The following ADAM2 variants were observed in gnomAD, a reference collection of about 807,000 sequenced individuals.
ADAM2 encodes the protein ADAM metallopeptidase domain 2, also known as disintegrin and metalloproteinase domain-containing protein 2.
In ADAM2, 101 loss-of-function variants were observed where a neutral mutation model predicts 99.3. The observed-to-expected ratio is 1.02, with a 90% CI of 0.87 to 1.20. The LOEUF is 1.20. Among genes scored for constraint, ADAM2 ranks in the 50% most tolerant of loss-of-function variants. The pLI, the probability that ADAM2 is intolerant of heterozygous loss-of-function variation, is 0.00. For synonymous variants in ADAM2, 323 were observed against 287.6 expected (o/e 1.12, Z -1.25); for missense variants, 948 against 878.7 (o/e 1.08, Z -1.00).
rs111514884 is a variant in ADAM2 at position 39,780,160 on chromosome 8, C to T, written c.892-2999G>A. Among the ~76,000 whole-genome samples the T allele has an allele frequency of 3.9e-3, 586 of 152,122 alleles. 1 individual carries two copies. Among genetic ancestry groups the T allele is most frequent in the Non-Finnish European group, 5.9e-3 (400 of 67,998 alleles). ...TTACATGGTGGCAGGCCAGAGAACG[C>T]GTGCAGGGGATCTCCCCTTTATGAA... On this transcript the variant is annotated intron_variant, in intron 10 of 20. Transcript: ENST00000265708.
chr8:39,815,109 A>G (rs1408397398), intron 6 of ADAM2, among the ~76,000 whole-genome samples: 1 of 152,106 alleles, frequency 6.6e-6, no homozygotes, highest in East Asian at 1.9e-4. Context: ...GGAGACAGAA[A>G]CTGCATTTTT....
chr8:39,773,839 G>A (rs1028495569), intron 11 of ADAM2, among the ~76,000 whole-genome samples: 3 of 151,742 alleles, frequency 2.0e-5, no homozygotes, highest in African/African-American at 2.4e-5. Flanking sequence ...TATGAAGCCC[G>A]TGTAACTGTG....
chr8:39,821,229 A>C (rs563274595), intron 5 of ADAM2, 59 bp from the exon 6 acceptor site: 2 of 1,145,864 alleles, frequency 1.7e-6, no homozygotes, highest in Admixed American at 5.2e-5. Flanking sequence ...AAGCCAATAA[A>C]ATGCCACTTA....
rs537568988 is a variant in ADAM2 at position 39,744,039 on chromosome 8, C to A, written c.*56G>T. On this transcript the variant is annotated 3_prime_UTR_variant, in exon 21 of 21. Coordinates refer to ENST00000265708, the MANE Select transcript of ADAM2 (RefSeq NM_001464.5). Reference sequence around the variant, plus strand: ...TTTCTTTCCATTTTTTTGTGTCCATCCATCACAGATAATTACTCTAGAAGA... The same window carrying A: ...TTTCTTTCCATTTTTTTGTGTCCATACATCACAGATAATTACTCTAGAAGA... 6.6e-6 allele frequency: 1 copy of A among 151,660 alleles called. No individual in the cohort carries two copies. Among genetic ancestry groups the A allele is most frequent in the Non-Finnish European group, 1.5e-5 (1 of 67,920 alleles). The allele number at this position is 151,660 out of a possible 1,614,324, so 9.4% of individuals were successfully genotyped here.
chr8:39,770,734 A>G (rs1453656650), intron 11 of ADAM2, among the ~76,000 whole-genome samples: 1 of 152,216 alleles, frequency 6.6e-6, no homozygotes, highest in Non-Finnish European at 1.5e-5. Flanking sequence ...TTTCAAATTC[A>G]CTACAGGGAA....
rs1204082845 is a variant in ADAM2 at position 39,799,181 on chromosome 8, A to C, written c.570+10229T>G. On this transcript the variant is annotated intron_variant, in intron 7 of 20. Coordinates refer to ENST00000265708, the MANE Select transcript of ADAM2 (RefSeq NM_001464.5). The stretch of plus-strand genomic sequence containing the variant: ...CTTTCCAACATGGGCATTTCGTGCT[A>C]TAAATTTCCCTTTTAACACAGCTTT... Among the ~76,000 whole-genome samples, 3 of 152,212 alleles carry C rather than the reference A, an allele frequency of 2.0e-5. No homozygotes were observed. The East Asian group carries it at 5.8e-4, about 29-fold the overall frequency.
intron 3 of ADAM2, among the ~76,000 whole-genome samples, chr8:39,830,834 T>C (rs1024210228): frequency 3.9e-5 from 6 of 152,190 alleles, no homozygotes; most frequent in Non-Finnish European, 8.8e-5. Context: ...CCAGAATTTA[T>C]ATTTTGAAAT....
In ADAM2 at chr8:39,749,718, A is replaced by T; in HGVS notation, c.1824T>A (p.Ser608Arg). ...NKVCRNQRCVSSSYLGYDCTT... is the reference protein window; with the variant it reads ...NKVCRNQRCVRSSYLGYDCTT... ...TACAATCATAACCCAAGTATGAAGA[A>T]CTCACACATCTTTGATTCCTGCAAA... Residue 608 changes from serine to arginine, a missense_variant, in exon 17 of 21, where the codon AGT becomes AGA. Physicochemically the swap from Ser to Arg is moderately radical, Grantham distance 110 (BLOSUM62 -1). Coordinates refer to ENST00000265708, the MANE Select transcript of ADAM2 (RefSeq NM_001464.5). The T allele has an allele frequency of 6.2e-7, 1 of 1,612,504 alleles. No individual in the cohort carries two copies. Among genetic ancestry groups the T allele is most frequent in the Non-Finnish European group, 8.5e-7 (1 of 1,178,950 alleles).
At chr8:39,807,114 C>A (rs1804472395) in intron 7 of ADAM2, among the ~76,000 whole-genome samples, 1 of 152,192 alleles carries the variant, frequency 6.6e-6, no homozygotes, top group African/African-American at 2.4e-5. Context: ...ACACTGCCCT[C>A]CCAGTAGACC....
At chr8:39,789,867 C>G (rs1453207974) in intron 7 of ADAM2, among the ~76,000 whole-genome samples, 1 of 151,574 alleles carries the variant, frequency 6.6e-6, no homozygotes, top group East Asian at 1.9e-4. Context: ...CTAATTAAAA[C>G]ATGTGCAAAT....
At chr8:39,837,477 C>G (rs1425494834) in intron 1 of ADAM2, among the ~76,000 whole-genome samples, 1 of 151,924 alleles carries the variant, frequency 6.6e-6, no homozygotes, top group Non-Finnish European at 1.5e-5. Context: ...ACCTCCGCCT[C>G]CCGGTTTCAA....
At chr8:39,832,022 T>G (rs551334920) in intron 3 of ADAM2, among the ~76,000 whole-genome samples, 1 of 152,138 alleles carries the variant, frequency 6.6e-6, no homozygotes, top group Non-Finnish European at 1.5e-5. Context: ...AAGAAATCAA[T>G]GACTACCATG....
chr8:39,755,571 G>A (rs1254732827), intron 16 of ADAM2, among the ~76,000 whole-genome samples, 157 bp downstream of exon 16: 1 of 152,154 alleles, frequency 6.6e-6, no homozygotes, highest in African/African-American at 2.4e-5. Flanking sequence ...CTACTCAAGA[G>A]GCTGAGGCAG....
intron 16 of ADAM2, among the ~76,000 whole-genome samples, chr8:39,753,455 A>G (rs951234157): frequency 6.6e-6 from 1 of 152,166 alleles, no homozygotes; most frequent in African/African-American, 2.4e-5. Flanking sequence ...TTCTGGGGAA[A>G]AATTTAAGTC....
intron 11 of ADAM2, among the ~76,000 whole-genome samples, chr8:39,773,116 T>C (rs1471045337): frequency 6.6e-6 from 1 of 151,756 alleles, no homozygotes; most frequent in Non-Finnish European, 1.5e-5. Context: ...ACAGCAGATA[T>C]TAAATCAGAT....
At chr8:39,823,014 G>A (rs1007264520) in intron 4 of ADAM2, among the ~76,000 whole-genome samples, 4 of 152,066 alleles carry the variant, frequency 2.6e-5, no homozygotes, top group African/African-American at 4.8e-5. Flanking sequence ...TGATCTGCCC[G>A]CGTTGGCCTC....
Position 39,833,984 on chromosome 8 carries a change from C to A in ADAM2, c.148G>T (p.Val50Leu). ...GIESQASYKI[V>L]IEGKPYTVNL... is the part of the protein sequence containing the mutation. ...ACAGTATATGGTTTCCCTTCAATTACAATTTTGTAGGATGCCTGGCAGGAG... is the reference window on the plus strand; with the variant it reads ...ACAGTATATGGTTTCCCTTCAATTAAAATTTTGTAGGATGCCTGGCAGGAG... The change falls in exon 3 of 21, where the codon GTA becomes TTA. Residue 50 changes from valine (V) to leucine (L), a missense_variant. Val to Leu is a conservative substitution (Grantham distance 32). Coordinates refer to ENST00000265708, the MANE Select transcript of ADAM2 (RefSeq NM_001464.5). 6.3e-7 allele frequency: 1 copy of A among 1,575,358 alleles called. No individual in the cohort carries two copies. Among genetic ancestry groups the A allele is most frequent in the Non-Finnish European group, 8.7e-7 (1 of 1,148,954 alleles).
intron 6 of ADAM2, chr8:39,817,883 C>T (rs900609531): frequency 1.3e-5 from 2 of 151,854 alleles, no homozygotes; most frequent in East Asian, 3.9e-4. Flanking sequence ...TATAGACACA[C>T]AAACTACCTA....
chr8:39,808,438 T>C (rs1804540724), intron 7 of ADAM2, among the ~76,000 whole-genome samples: 1 of 152,098 alleles, frequency 6.6e-6, no homozygotes, highest in Non-Finnish European at 1.5e-5. Flanking sequence ...ATCTAAATAA[T>C]GGGGTGGATA....
Sources: allele counts gnomAD v4.1 joint callset (sites outside exome capture counted in the v4.1 genomes callset), GRCh38; gene constraint gnomAD v4.1.1; transcripts MANE v1.5; gene names NCBI Gene and HGNC (gene_info 2026-07-23, HGNC 2026-07-21).